Variants in BCAS1 observed in about 807,000 individuals in gnomAD.
BCAS1 encodes the protein breast carcinoma-amplified sequence 1.
BCAS1 carries 46 observed loss-of-function variants against 65.4 expected under a neutral mutation model. The observed-to-expected ratio is 0.70, with a 90% confidence interval of 0.55 to 0.90. BCAS1 has a LOEUF of 0.90. Among genes scored for constraint, BCAS1 ranks in the 40% least tolerant of loss-of-function variants. The pLI, the probability that BCAS1 is intolerant of heterozygous loss-of-function variation, is 0.00. For missense variants in BCAS1, 793 were observed against 771.2 expected, an observed-to-expected ratio of 1.03 and a Z score of -0.33; for synonymous variants, 298 against 293.5, an observed-to-expected ratio of 1.02 and a Z score of -0.16.
At chr20:54,067,033 G>T (rs1231391564) in intron 1 of BCAS1, among the ~76,000 whole-genome samples, 1 of 152,102 alleles carries the variant, frequency 6.6e-6, no homozygotes, top group African/African-American at 2.4e-5. Context: ...ATTCATTCTT[G>T]CAATGAGAAA....
chr20:54,056,903 T>A (rs1434855797), intron 3 of BCAS1, among the ~76,000 whole-genome samples: 1 of 152,214 alleles, frequency 6.6e-6, no homozygotes, highest in Non-Finnish European at 1.5e-5. Context: ...TTATATCAGA[T>A]GCTTATGCTA....
At chr20:54,045,210 CAAAAAAAAAAA>C (rs11086447) in intron 3 of BCAS1, among the ~76,000 whole-genome samples, 3 of 136,122 alleles carry the variant, frequency 2.2e-5, no homozygotes, top group Non-Finnish European at 4.9e-5. Flanking sequence ...GACCTCATCT[CAAAAAAAAAAA>C]AAAAACAAAA....
intron 10 of BCAS1, among the ~76,000 whole-genome samples, chr20:53,965,632 C>T (rs2090006648): frequency 6.6e-6 from 1 of 152,140 alleles, no homozygotes; most frequent in Non-Finnish European, 1.5e-5. Context: ...TTATATATTT[C>T]ACTATTGGAA....
chr20:54,046,727 C>G (rs1399942933), intron 3 of BCAS1, among the ~76,000 whole-genome samples: 1 of 151,328 alleles, frequency 6.6e-6, no homozygotes, highest in African/African-American at 2.4e-5. Flanking sequence ...TGCCTGTAAT[C>G]CCAGCTATAC....
chr20:53,950,214 C>G (rs1347759335), intron 12 of BCAS1, among the ~76,000 whole-genome samples: 1 of 152,198 alleles, frequency 6.6e-6, no homozygotes, highest in Non-Finnish European at 1.5e-5. Flanking sequence ...TCCCCCTACC[C>G]TACCTCTCCA....
intron 3 of BCAS1, among the ~76,000 whole-genome samples, chr20:54,051,417 G>C (rs903826136): frequency 1.3e-5 from 2 of 152,138 alleles, no homozygotes; most frequent in South Asian, 2.1e-4. Context: ...ACATGTATTG[G>C]GGGGAGGTGA....
At chr20:53,966,430 G>A (rs1025654855) in intron 10 of BCAS1, among the ~76,000 whole-genome samples, 1 of 152,182 alleles carries the variant, frequency 6.6e-6, no homozygotes, top group Non-Finnish European at 1.5e-5. Context: ...TAAGCTACGA[G>A]GATGCAAAAG....
At chr20:53,999,102 A>C (rs1182486944) in intron 4 of BCAS1, among the ~76,000 whole-genome samples, 1 of 152,218 alleles carries the variant, frequency 6.6e-6, no homozygotes, top group Non-Finnish European at 1.5e-5. Flanking sequence ...TGTGTGCAGT[A>C]AAATGTAACA....
intron 3 of BCAS1, among the ~76,000 whole-genome samples, chr20:54,039,786 C>T (rs2091959525): frequency 1.3e-5 from 2 of 151,212 alleles, no homozygotes; most frequent in South Asian, 4.2e-4. Flanking sequence ...CTCTATCCTC[C>T]ACCCTCATTG....
At chr20:54,066,716 T>G (rs2092448548) in intron 1 of BCAS1, among the ~76,000 whole-genome samples, 1 of 152,120 alleles carries the variant, frequency 6.6e-6, no homozygotes, top group Non-Finnish European at 1.5e-5. Flanking sequence ...CAGAAATGCA[T>G]CGGCCAGAAC....
At chr20:54,054,307 T>C (rs900491607) in intron 3 of BCAS1, among the ~76,000 whole-genome samples, 1 of 152,166 alleles carries the variant, frequency 6.6e-6, no homozygotes, top group Non-Finnish European at 1.5e-5. Flanking sequence ...AGGAAAAGTA[T>C]AGATAAAAAG....
chr20:54,032,962 A>G (rs1473488617), intron 3 of BCAS1, among the ~76,000 whole-genome samples: 1 of 151,124 alleles, frequency 6.6e-6, no homozygotes, highest in African/African-American at 2.4e-5. Context: ...TCAGCACTAA[A>G]TCAAATGGCC....
intron 10 of BCAS1, among the ~76,000 whole-genome samples, chr20:53,957,991 G>A (rs2089755862): frequency 1.3e-5 from 2 of 152,010 alleles, no homozygotes; most frequent in South Asian, 4.2e-4. Context: ...GGGATAAAAG[G>A]GGTTGGACTT....
Position 53,944,947 on chromosome 20 carries a change from A to G in BCAS1, c.1865T>C (p.Ile622Thr). ...DAQVQTDPVS[I>T]GPVGKSK is the part of the protein sequence containing the mutation. Reference sequence around the variant, plus strand: ...TTACTTGGATTTGCCAACTGGTCCGATGGATACTGGGTCTGTTTGCACTTG... The same window carrying G: ...TTACTTGGATTTGCCAACTGGTCCGGTGGATACTGGGTCTGTTTGCACTTG... Residue 622 changes from isoleucine (I) to threonine (T), a missense_variant, in exon 13 of 13, where the codon ATC becomes ACC. Transcript: ENST00000688948. 6.2e-7 allele frequency: 1 copy of G among 1,614,096 alleles called. No homozygotes were observed. Among genetic ancestry groups the G allele is most frequent in the Non-Finnish European group, 8.5e-7 (1 of 1,180,004 alleles).
At chr20:54,015,981 T>A (rs943307384) in intron 4 of BCAS1, among the ~76,000 whole-genome samples, 6 of 152,242 alleles carry the variant, frequency 3.9e-5, no homozygotes, top group African/African-American at 1.4e-4. Flanking sequence ...GAAAGTCAAC[T>A]GCTGTCAACA....
intron 6 of BCAS1, 134 bp from the exon 7 acceptor site, chr20:53,992,780 A>G (rs1044773725): frequency 1.9e-5 from 14 of 748,514 alleles, no homozygotes; most frequent in Non-Finnish European, 1.9e-6. Flanking sequence ...TCTAACCACA[A>G]AACACCCTGT....
intron 4 of BCAS1, among the ~76,000 whole-genome samples, chr20:54,024,417 G>C (rs1327792485): frequency 6.6e-6 from 1 of 152,202 alleles, no homozygotes; most frequent in East Asian, 1.9e-4. Context: ...GGACACATTA[G>C]GGTTGAGATA....
intron 4 of BCAS1, among the ~76,000 whole-genome samples, chr20:53,996,328 T>C (rs1289847448): frequency 6.6e-6 from 1 of 152,100 alleles, no homozygotes; most frequent in Non-Finnish European, 1.5e-5. Flanking sequence ...AAAAACCCTT[T>C]TCTTCCAATT....
chr20:54,029,771 T>C lies in BCAS1; in HGVS notation c.143-799A>G, dbSNP rs144079320. On this transcript the variant is annotated intron_variant, in intron 3 of 12. Coordinates refer to ENST00000688948, the MANE Select transcript of BCAS1 (RefSeq NM_001366298.2). ...TATTCATGAGTGAGAAAACTGACAG[T>C]CAGAGAGGTCAGTACACCCTCCCCT... Among the ~76,000 whole-genome samples the C allele has an allele frequency of 3.1e-4, 47 of 152,324 alleles. 1 individual carries two copies. The East Asian group carries it at 7.1e-3, about 23-fold the overall frequency.
Sources: gnomAD v4.1 joint callset for allele counts (sites outside exome capture counted in the v4.1 genomes callset) on GRCh38, gnomAD v4.1.1 for gene constraint, MANE v1.5 for transcripts, NCBI Gene and HGNC (gene_info 2026-07-23, HGNC 2026-07-21) for gene names.